Variants in BCKDHB observed in about 807,000 individuals in gnomAD.
BCKDHB encodes the protein 2-oxoisovalerate dehydrogenase subunit beta, mitochondrial.
In BCKDHB, 41 loss-of-function variants were observed where a neutral mutation model predicts 48.5. The ratio of observed to expected loss-of-function variants is 0.85; its 90% CI spans 0.66 to 1.10. The LOEUF is 1.10. Among genes scored for constraint, BCKDHB ranks in the 50% least tolerant of loss-of-function variants. BCKDHB has a pLI of 0.00. For synonymous variants in BCKDHB, 201 were observed against 174.8 expected (o/e 1.15, Z -1.18); for missense variants, 496 against 494.2 (o/e 1.00, Z -0.03).
chr6:80,272,151 A>G (rs938778932), intron 8 of BCKDHB, among the ~76,000 whole-genome samples: 1 of 152,148 alleles, frequency 6.6e-6, no homozygotes, highest in Non-Finnish European at 1.5e-5. Flanking sequence ...TATTTTTGTC[A>G]TGGCTACTGG....
At chr6:80,159,673 C>A (rs1165328731) in intron 3 of BCKDHB, among the ~76,000 whole-genome samples, 1 of 152,184 alleles carries the variant, frequency 6.6e-6, no homozygotes, top group African/African-American at 2.4e-5. Flanking sequence ...GAAATCACAA[C>A]ATATTCTATC....
At chr6:80,170,543 G>A (rs1033288919) in intron 5 of BCKDHB, among the ~76,000 whole-genome samples, 1 of 150,732 alleles carries the variant, frequency 6.6e-6, no homozygotes, top group Non-Finnish European at 1.5e-5. Context: ...CTAAACCTCA[G>A]TGTCTATTTC....
intron 3 of BCKDHB, among the ~76,000 whole-genome samples, chr6:80,151,743 T>A (rs1352383539): frequency 6.6e-6 from 1 of 152,158 alleles, no homozygotes; most frequent in Non-Finnish European, 1.5e-5. Flanking sequence ...TTCCCTTTGT[T>A]TCTGAGAAAA....
At chr6:80,333,423 CTGGGTTTTTT>C (rs1769421482) in intron 9 of BCKDHB, among the ~76,000 whole-genome samples, 1 of 152,078 alleles carries the variant, frequency 6.6e-6, no homozygotes, top group Non-Finnish European at 1.5e-5. Context: ...AACTAAATAG[CTGGGTTTTTT>C]TGTTCTTTGT....
At chr6:80,429,552 G>A in the BCKDHB span, among the ~76,000 whole-genome samples, 2 of 152,262 alleles carry the variant, frequency 1.3e-5, no homozygotes, top group East Asian at 3.9e-4. Context: ...ATTTCCTTAA[G>A]CAGTGGTTTG....
the BCKDHB span, among the ~76,000 whole-genome samples, chr6:80,416,776 TTTTTTTAA>T: frequency 6.8e-6 from 1 of 147,850 alleles, no homozygotes; most frequent in Non-Finnish European, 1.5e-5. Flanking sequence ...TTATTTTTAT[TTTTTTTAA>T]TTTTATTATT....
intron 9 of BCKDHB, among the ~76,000 whole-genome samples, chr6:80,323,157 T>C (rs1582567408): frequency 6.6e-6 from 1 of 152,280 alleles, no homozygotes. Flanking sequence ...ATAGGGCTCA[T>C]GACAATTAAT....
chr6:80,247,943 G>T (rs146259548), intron 8 of BCKDHB, among the ~76,000 whole-genome samples: 1 of 152,272 alleles, frequency 6.6e-6, no homozygotes, highest in African/African-American at 2.4e-5. Flanking sequence ...ACAGTGTTTT[G>T]CCAGTGGGAA....
intron 6 of BCKDHB, among the ~76,000 whole-genome samples, chr6:80,183,618 T>C (rs964691038): frequency 6.6e-6 from 1 of 152,152 alleles, no homozygotes; most frequent in Non-Finnish European, 1.5e-5. Flanking sequence ...TCAAAGTCCA[T>C]GGTTTACATC....
At chr6:80,164,016 G>A (rs1256628187) in intron 3 of BCKDHB, among the ~76,000 whole-genome samples, 2 of 152,106 alleles carry the variant, frequency 1.3e-5, no homozygotes, top group African/African-American at 4.8e-5. Flanking sequence ...ATCTTGCTGT[G>A]TCCACCCTTG....
the BCKDHB span, among the ~76,000 whole-genome samples, chr6:80,358,667 A>G: frequency 6.6e-6 from 1 of 152,232 alleles, no homozygotes; most frequent in African/African-American, 2.4e-5. Flanking sequence ...AATATCTAGA[A>G]TAGATACATT....
the BCKDHB span, among the ~76,000 whole-genome samples, chr6:80,400,938 A>C: frequency 4.6e-5 from 7 of 152,018 alleles, no homozygotes; most frequent in African/African-American, 1.7e-4. Flanking sequence ...GCTGGAGGTC[A>C]TTATCCTTAG....
the BCKDHB span, among the ~76,000 whole-genome samples, chr6:80,386,358 T>A: frequency 6.6e-6 from 1 of 152,190 alleles, no homozygotes; most frequent in Non-Finnish European, 1.5e-5. Flanking sequence ...GTAGTACATA[T>A]ATATCTTGGA....
chr6:80,258,012 A>G (rs1777131609), intron 8 of BCKDHB, among the ~76,000 whole-genome samples: 1 of 152,028 alleles, frequency 6.6e-6, no homozygotes, highest in Non-Finnish European at 1.5e-5. Flanking sequence ...TCTATAAATC[A>G]GGACATGAAT....
chr6:80,406,307 G>A, the BCKDHB span, among the ~76,000 whole-genome samples: 1 of 152,200 alleles, frequency 6.6e-6, no homozygotes, highest in African/African-American at 2.4e-5. Context: ...TGTCTTTATA[G>A]TAGCATGATT....
chr6:80,230,714 T>A (rs530566836), intron 8 of BCKDHB, among the ~76,000 whole-genome samples: 1 of 152,254 alleles, frequency 6.6e-6, no homozygotes, highest in South Asian at 2.1e-4. Context: ...AAGGTTGAGG[T>A]GCCTGCATCT....
chr6:80,394,200 T>A, the BCKDHB span, among the ~76,000 whole-genome samples: 1 of 152,150 alleles, frequency 6.6e-6, no homozygotes, highest in Non-Finnish European at 1.5e-5. Flanking sequence ...ATCATCCTTA[T>A]TTGTATTTCT....
chr6:80,172,185 GT>G (rs1772949325), intron 6 of BCKDHB, among the ~76,000 whole-genome samples: 1 of 151,992 alleles, frequency 6.6e-6, no homozygotes, highest in African/African-American at 2.4e-5. Flanking sequence ...GTTTTTGCTT[GT>G]ATCAGTAGTT....
At chr6:80,220,734 C>CTTTTTTTTTTT (rs67235328) in intron 8 of BCKDHB, among the ~76,000 whole-genome samples, 22 of 121,936 alleles carry the variant, frequency 1.8e-4, no homozygotes, top group African/African-American at 2.4e-4. Flanking sequence ...TTTTCTTTTT[C>CTTTTTTTTTTT]TTTTTTTTTT....
Sources: allele counts gnomAD v4.1 joint callset (sites outside exome capture counted in the v4.1 genomes callset), GRCh38; gene constraint gnomAD v4.1.1; transcripts MANE v1.5; gene names NCBI Gene and HGNC (gene_info 2026-07-23, HGNC 2026-07-21).